ATRNL1: variants seen among roughly 807,000 people sequenced by gnomAD.
The protein encoded by ATRNL1 is attractin-like protein 1.
In ATRNL1, 95 loss-of-function variants were observed where a neutral mutation model predicts 182.7. That is an observed-to-expected ratio of 0.52 (90% CI 0.44 to 0.62). The LOEUF (loss-of-function observed/expected upper bound fraction) is 0.62, where lower values mean the gene tolerates loss of function less well. Among genes scored for constraint, ATRNL1 ranks in the 20% least tolerant of loss-of-function variants. The probability of loss-of-function intolerance (pLI) is 0.00; values close to 1 mark genes in which losing one functional copy is unlikely to be tolerated. For synonymous variants in ATRNL1, 576 were observed against 568.3 expected (o/e 1.01, Z -0.19); for missense variants, 1,471 against 1,679.5 (o/e 0.88, Z 2.17).
At chr10:115,385,819 T>A (rs1554952460) in intron 19 of ATRNL1, among the ~76,000 whole-genome samples, 1 of 152,188 alleles carries the variant, frequency 6.6e-6, no homozygotes, top group East Asian at 1.9e-4. Context: ...AAATGGCAAT[T>A]CTTTTCTCAT....
At chr10:115,536,556 G>C (rs1347535423) in intron 25 of ATRNL1, among the ~76,000 whole-genome samples, 62 of 152,332 alleles carry the variant, frequency 4.1e-4, no homozygotes, top group Non-Finnish European at 1.2e-4. Context: ...CTGACGCCTT[G>C]TGCTTCCCAA....
intron 17 of ATRNL1, among the ~76,000 whole-genome samples, chr10:115,302,520 C>G (rs1399830163): frequency 6.6e-6 from 1 of 152,076 alleles, no homozygotes; most frequent in East Asian, 1.9e-4. Flanking sequence ...CATTTTGGGG[C>G]AAGAATATTT....
At chr10:115,604,845 G>C (rs2255846) in intron 26 of ATRNL1, among the ~76,000 whole-genome samples, 120,513 of 152,050 alleles carry the variant, frequency 0.79, 47,885 homozygotes, top group Admixed American at 0.86. Flanking sequence ...TCTGATCTCT[G>C]TTACTCAATT....
intron 9 of ATRNL1, among the ~76,000 whole-genome samples, chr10:115,221,402 T>C (rs1380462374): frequency 6.6e-6 from 1 of 152,234 alleles, no homozygotes; most frequent in Non-Finnish European, 1.5e-5. Flanking sequence ...GTTACATAGA[T>C]AGGGCACTTT....
intron 27 of ATRNL1, among the ~76,000 whole-genome samples, chr10:115,812,550 C>T (rs1426367796): frequency 6.6e-6 from 1 of 152,166 alleles, no homozygotes; most frequent in Non-Finnish European, 1.5e-5. Flanking sequence ...GATCTCGGCT[C>T]ACTGCAGTCT....
chr10:115,186,703 T>TG (rs2144200252), intron 8 of ATRNL1, among the ~76,000 whole-genome samples: 1 of 152,126 alleles, frequency 6.6e-6, no homozygotes, highest in East Asian at 1.9e-4. Flanking sequence ...GAAGGGTCGT[T>TG]GGTGGGGATG....
intron 6 of ATRNL1, among the ~76,000 whole-genome samples, chr10:115,164,175 C>T (rs1384514324): frequency 6.6e-6 from 1 of 152,122 alleles, no homozygotes; most frequent in African/African-American, 2.4e-5. Context: ...TTTGGGACTT[C>T]AGTTTTCATA....
intron 10 of ATRNL1, among the ~76,000 whole-genome samples, chr10:115,247,411 A>G (rs552079157): frequency 6.6e-6 from 1 of 152,370 alleles, no homozygotes; most frequent in Non-Finnish European, 1.5e-5. Context: ...ACAAATAACC[A>G]ATAATATATG....
At chr10:115,637,560 A>T (rs944977509) in intron 26 of ATRNL1, among the ~76,000 whole-genome samples, 1 of 150,652 alleles carries the variant, frequency 6.6e-6, no homozygotes, top group Admixed American at 6.6e-5. Flanking sequence ...TACAAAGCTT[A>T]TAAAGTAAAA....
chr10:115,330,431 G>A (rs558329184), intron 18 of ATRNL1, among the ~76,000 whole-genome samples: 4 of 151,828 alleles, frequency 2.6e-5, no homozygotes, highest in South Asian at 4.2e-4. Context: ...CTTTTTGTTC[G>A]AACAACTCCT....
At chr10:115,235,072 A>G (rs1305879098) in intron 9 of ATRNL1, among the ~76,000 whole-genome samples, 2 of 152,094 alleles carry the variant, frequency 1.3e-5, no homozygotes, top group African/African-American at 2.4e-5. Context: ...TTTAATTTGG[A>G]ATAGTCATGA....
At chr10:115,785,403 A>C (rs1949371566) in intron 27 of ATRNL1, among the ~76,000 whole-genome samples, 1 of 152,140 alleles carries the variant, frequency 6.6e-6, no homozygotes, top group Non-Finnish European at 1.5e-5. Flanking sequence ...CCACCCTTAG[A>C]GTCATTCCTC....
rs527760659 is a variant in ATRNL1 at position 115,373,487 on chromosome 10, T to C, written c.3176-21172T>C. 6.5e-4 allele frequency among the ~76,000 whole-genome samples: 99 copies of C among 152,180 alleles called. No individual in the cohort carries two copies. In the Middle Eastern group the frequency reaches 0.017, roughly 26 times the overall value. ...GACTTTTCACTAATGAGTATGATGT[T>C]AGCCATGGGTTTTTATCTAACTTCT... On this transcript the variant is annotated intron_variant, in intron 19 of 28. Coordinates refer to ENST00000355044, the MANE Select transcript of ATRNL1 (RefSeq NM_207303.4).
In ATRNL1 at chr10:115,467,170, G is replaced by C; in HGVS notation, c.3418-4G>C. The stretch of plus-strand genomic sequence containing the variant: ...TTTAACCTTAATATTTTCTTTTCTG[G>C]TAGTCGAACAAAAATCTGGATATAT... On this transcript the variant is annotated splice_polypyrimidine_tract_variant and splice_region_variant and intron_variant, in intron 22 of 28. Coordinates refer to ENST00000355044, the MANE Select transcript of ATRNL1 (RefSeq NM_207303.4). 3.8e-6 allele frequency: 6 copies of C among 1,591,428 alleles called. No homozygotes were observed. Among genetic ancestry groups the C allele is most frequent in the Non-Finnish European group, 4.3e-6 (5 of 1,163,992 alleles).
At chr10:115,098,661 G>T (rs139521635) in intron 1 of ATRNL1, among the ~76,000 whole-genome samples, 1,714 of 151,708 alleles carry the variant, frequency 0.011, 29 homozygotes, top group African/African-American at 0.038. Context: ...GTATCACCGT[G>T]TTAGCCAGGA....
intron 11 of ATRNL1, among the ~76,000 whole-genome samples, chr10:115,266,174 T>A (rs914077279): frequency 1.3e-5 from 2 of 151,812 alleles, no homozygotes; most frequent in Admixed American, 1.3e-4. Flanking sequence ...ATGAAAAATA[T>A]GCTGTTTTAA....
chr10:115,767,007 A>G (rs1252695564), intron 27 of ATRNL1, among the ~76,000 whole-genome samples: 2 of 152,150 alleles, frequency 1.3e-5, no homozygotes, highest in African/African-American at 4.8e-5. Flanking sequence ...TGTAAGAATT[A>G]TTTTTTAGAC....
chr10:115,403,504 G>A (rs1323777642), intron 20 of ATRNL1, among the ~76,000 whole-genome samples: 3 of 151,968 alleles, frequency 2.0e-5, no homozygotes, highest in Non-Finnish European at 4.4e-5. Flanking sequence ...CCCCCAGACT[G>A]GAGTGCAATG....
Position 115,915,895 on chromosome 10 carries a change from A to G in ATRNL1, c.4019-28763A>G, listed in dbSNP as rs181093262. Among the ~76,000 whole-genome samples, 10 of 152,200 alleles carry G rather than the reference A, an allele frequency of 6.6e-5. No individual in the cohort carries two copies. In the East Asian group the frequency reaches 1.9e-3, roughly 29 times the overall value. On this transcript the variant is annotated intron_variant, in intron 28 of 28. Coordinates refer to ENST00000355044, the MANE Select transcript of ATRNL1 (RefSeq NM_207303.4). The stretch of plus-strand genomic sequence containing the variant: ...TTGTATAAGGCCACAATTTAATTGC[A>G]CAGGCTTTAAGAGATCTGCACTCCT...
Sources: allele counts gnomAD v4.1 joint callset (sites outside exome capture counted in the v4.1 genomes callset), GRCh38; gene constraint gnomAD v4.1.1; transcripts MANE v1.5; gene names NCBI Gene and HGNC (gene_info 2026-07-23, HGNC 2026-07-21).